Variants in CHLSN observed in about 807,000 individuals in gnomAD.
The protein encoded by CHLSN is cholesin.
the CHLSN span, among the ~76,000 whole-genome samples, chr7:992,071 G>C: frequency 6.6e-6 from 1 of 152,196 alleles, no homozygotes; most frequent in South Asian, 2.1e-4. Flanking sequence ...CCACCCCATG[G>C]TGCCCAGATG....
chr7:1,099,429 G>A, the CHLSN span, among the ~76,000 whole-genome samples: 29 of 152,346 alleles, frequency 1.9e-4, no homozygotes, highest in Middle Eastern at 0.01. Context: ...TCCTAAGAGC[G>A]GAAGGGTTTC....
the CHLSN span, among the ~76,000 whole-genome samples, chr7:1,053,065 G>A: frequency 1.3e-5 from 2 of 152,226 alleles, no homozygotes; most frequent in Non-Finnish European, 2.9e-5. Flanking sequence ...CAGCGGGCCT[G>A]CCCAGTGGGG....
chr7:1,082,293 C>G, the CHLSN span: 1 of 152,268 alleles, frequency 6.6e-6, no homozygotes, highest in Non-Finnish European at 1.5e-5. Context: ...AGAGTGCTCC[C>G]GCCCAGCGCG....
the CHLSN span, chr7:1,092,633 A>AC: frequency 6.2e-7 from 1 of 1,611,358 alleles, no homozygotes; most frequent in Non-Finnish European, 8.5e-7. Context: ...CGCCATGCCC[A>AC]CCCCCTCACG....
At chr7:1,066,058 T>C in the CHLSN span, among the ~76,000 whole-genome samples, 2 of 152,088 alleles carry the variant, frequency 1.3e-5, no homozygotes, top group Non-Finnish European at 1.5e-5. Context: ...TGCCTCTCAA[T>C]AGGCGGCATG....
chr7:1,041,354 G>GGGGACCTGGGGTCCGCGCTGCAGGGGAAC, the CHLSN span, among the ~76,000 whole-genome samples: 1 of 81,100 alleles, frequency 1.2e-5, no homozygotes, highest in Non-Finnish European at 2.5e-5. Flanking sequence ...CTGCGGGGAA[G>GGGGACCTGGGGTCCGCGCTGCAGGGGAAC]GGGGCCTGGG....
chr7:1,033,328 C>T, the CHLSN span, among the ~76,000 whole-genome samples: 6 of 152,254 alleles, frequency 3.9e-5, no homozygotes, highest in East Asian at 3.9e-4. Flanking sequence ...GAGGCTGAGG[C>T]GGGCGGATCA....
At chr7:1,135,988 C>T in the CHLSN span, among the ~76,000 whole-genome samples, 32 of 84,922 alleles carry the variant, frequency 3.8e-4, no homozygotes, top group African/African-American at 1.8e-3. Flanking sequence ...AATATATAAG[C>T]ATATATAAAT....
At chr7:997,882 G>T in the CHLSN span, 1 of 1,362,470 alleles carries the variant, frequency 7.3e-7, no homozygotes, top group Non-Finnish European at 1.0e-6. Flanking sequence ...AGACGCTGCA[G>T]CCAAGGACAC....
the CHLSN span, among the ~76,000 whole-genome samples, chr7:991,720 T>G: frequency 6.6e-6 from 1 of 152,230 alleles, no homozygotes. Context: ...AAAATACACG[T>G]AGAGAAAATT....
chr7:1,004,771 C>G, the CHLSN span, among the ~76,000 whole-genome samples: 6 of 152,244 alleles, frequency 3.9e-5, no homozygotes, highest in Non-Finnish European at 8.8e-5. Flanking sequence ...TGACACAATC[C>G]TCTTTCTCTC....
chr7:1,112,498 C>A, the CHLSN span, among the ~76,000 whole-genome samples: 12 of 152,284 alleles, frequency 7.9e-5, no homozygotes, highest in African/African-American at 2.9e-4. Context: ...ACAGGGTGAA[C>A]GAGCCTCCTC....
the CHLSN span, among the ~76,000 whole-genome samples, chr7:1,115,855 GGAT>G: frequency 1.1e-4 from 12 of 109,840 alleles, no homozygotes; most frequent in East Asian, 4.9e-4. Context: ...CGCCCACGCA[GGAT>G]GATGACATCA....
the CHLSN span, among the ~76,000 whole-genome samples, chr7:1,041,352 AAGGGGG>A: frequency 0.068 from 6,605 of 96,616 alleles, 1,721 homozygotes; most frequent in African/African-American, 0.24. Flanking sequence ...CGCTGCGGGG[AAGGGGG>A]CCTGGGGTCC....
At chr7:1,063,595 C>T in the CHLSN span, among the ~76,000 whole-genome samples, 2 of 152,168 alleles carry the variant, frequency 1.3e-5, no homozygotes, top group African/African-American at 4.8e-5. Context: ...GCGTGGGGCA[C>T]TCCTCGGGCA....
the CHLSN span, among the ~76,000 whole-genome samples, chr7:1,094,340 C>T: frequency 2.6e-3 from 397 of 152,328 alleles, 2 homozygotes; most frequent in African/African-American, 9.2e-3. Context: ...CTGCGCAGGG[C>T]GTCGGGATGT....
chr7:983,504 G>A, the CHLSN span: 135 of 1,057,128 alleles, frequency 1.3e-4, 1 homozygote, highest in African/African-American at 1.8e-3. Context: ...CGGGCCCAGC[G>A]GGGCACGCAG....
chr7:1,101,677 C>T, the CHLSN span, among the ~76,000 whole-genome samples: 826 of 152,354 alleles, frequency 5.4e-3, 7 homozygotes, highest in African/African-American at 0.019. Flanking sequence ...CTGCCCACGG[C>T]GTGCCTCCTG....
the CHLSN span, among the ~76,000 whole-genome samples, chr7:1,063,221 A>G: frequency 2.6e-5 from 4 of 152,158 alleles, no homozygotes; most frequent in African/African-American, 9.7e-5. Context: ...CTTCCACGCG[A>G]CGCTGTCCCC....
Sources: gnomAD v4.1 joint callset for allele counts (sites outside exome capture counted in the v4.1 genomes callset) on GRCh38, gnomAD v4.1.1 for gene constraint, MANE v1.5 for transcripts, NCBI Gene and HGNC (gene_info 2026-07-23, HGNC 2026-07-21) for gene names.